Variants in DISP1 observed in about 807,000 individuals in gnomAD.
The protein encoded by DISP1 is protein dispatched homolog 1.
In DISP1, 30 loss-of-function variants were observed where a neutral mutation model predicts 37.3. The ratio of observed to expected loss-of-function variants is 0.80; its 90% CI spans 0.60 to 1.09. DISP1 has a LOEUF of 1.09. Among genes scored for constraint, DISP1 ranks in the 50% least tolerant of loss-of-function variants. The pLI, the probability that DISP1 is intolerant of heterozygous loss-of-function variation, is 0.00. For synonymous variants in DISP1, 634 were observed against 690.2 expected (o/e 0.92, Z 1.28); for missense variants, 1,598 against 1,879.5 (o/e 0.85, Z 2.77).
At chr1:222,862,531 T>G (rs1029035447) in intron 1 of DISP1, among the ~76,000 whole-genome samples, 1 of 151,720 alleles carries the variant, frequency 6.6e-6, no homozygotes, top group Non-Finnish European at 1.5e-5. Flanking sequence ...AATAGTTTTT[T>G]TTTTTTTTTT....
At chr1:222,879,431 GT>G (rs1670152765) in intron 1 of DISP1, among the ~76,000 whole-genome samples, 1 of 151,988 alleles carries the variant, frequency 6.6e-6, no homozygotes, top group African/African-American at 2.4e-5. Context: ...TGTCCTGTTT[GT>G]TTTTTTAGTA....
chr1:222,983,515 G>T (rs1240048719), intron 4 of DISP1, among the ~76,000 whole-genome samples: 2 of 152,118 alleles, frequency 1.3e-5, no homozygotes, highest in Admixed American at 1.3e-4. Flanking sequence ...TACTCGGGAG[G>T]CTGAGGCAGG....
At chr1:222,986,623 C>T (rs958401849) in intron 4 of DISP1, among the ~76,000 whole-genome samples, 3 of 152,200 alleles carry the variant, frequency 2.0e-5, no homozygotes, top group African/African-American at 4.8e-5. Context: ...GGTTCATCCA[C>T]GAACGCATTT....
At chr1:222,915,202 T>A (rs1672428504) in intron 1 of DISP1, among the ~76,000 whole-genome samples, 1 of 152,202 alleles carries the variant, frequency 6.6e-6, no homozygotes, top group South Asian at 2.1e-4. Flanking sequence ...TTGATCTAAA[T>A]AAATGGTACA....
At chr1:222,902,546 A>G (rs986789551) in intron 1 of DISP1, among the ~76,000 whole-genome samples, 108 of 152,266 alleles carry the variant, frequency 7.1e-4, no homozygotes, top group African/African-American at 2.3e-3. Context: ...AATTTTCGCA[A>G]CCTACTCATC....
chr1:222,844,813 C>T (rs1051274039), intron 1 of DISP1, among the ~76,000 whole-genome samples: 4 of 152,082 alleles, frequency 2.6e-5, no homozygotes, highest in African/African-American at 4.8e-5. Flanking sequence ...CTGTGTGAGT[C>T]GTTTAAGATA....
intron 1 of DISP1, among the ~76,000 whole-genome samples, chr1:222,888,760 G>A (rs908202427): frequency 6.6e-6 from 1 of 151,866 alleles, no homozygotes; most frequent in Non-Finnish European, 1.5e-5. Flanking sequence ...AAAATGCAAG[G>A]TTTCTTTTTG....
intron 1 of DISP1, among the ~76,000 whole-genome samples, chr1:222,834,441 C>A (rs892633740): frequency 4.6e-5 from 7 of 152,064 alleles, no homozygotes; most frequent in African/African-American, 7.2e-5. Context: ...CTTAGACAGG[C>A]AGGAATTTAG....
rs781780114 is a variant in DISP1, at chr1:222,942,802, C to T, written c.-17-5C>T. 2.5e-6 allele frequency: 4 copies of T among 1,613,924 alleles called. No individual in the cohort carries two copies. In the South Asian group the frequency reaches 3.3e-5, roughly 13 times the overall value. Reference sequence around the variant, plus strand: ...ACTGGGCGATTTTATGATTTTCTTACTTAGAGTCAAGAAATTGGAGCATGG... The same window carrying T: ...ACTGGGCGATTTTATGATTTTCTTATTTAGAGTCAAGAAATTGGAGCATGG... On this transcript the variant is annotated splice_polypyrimidine_tract_variant and splice_region_variant and intron_variant, in intron 2 of 8. Coordinates refer to ENST00000675850, the MANE Select transcript of DISP1 (RefSeq NM_001377229.1).
At position 223,004,299 on chromosome 1, in the gene DISP1, G is replaced by T. The variant is rs574387803; in HGVS notation, c.2902G>T (p.Val968Phe). 19 of 1,614,046 alleles carry T rather than the reference G, an allele frequency of 1.2e-5. No homozygotes were observed. Among genetic ancestry groups the T allele is most frequent in the Middle Eastern group, 1.6e-4 (1 of 6,084 alleles). ...APEGLSNGWF[V>F]SNLEFYDLQD... ...TGAAGGCCTCAGCAATGGTTGGTTTGTCAGCAATCTGGAGTTCTATGACCT... is the reference window on the plus strand; with the variant it reads ...TGAAGGCCTCAGCAATGGTTGGTTTTTCAGCAATCTGGAGTTCTATGACCT... The change falls in exon 9 of 9, where the codon GTC becomes TTC. Residue 968 changes from valine to phenylalanine, a missense_variant. Coordinates refer to ENST00000675850, the MANE Select transcript of DISP1 (RefSeq NM_001377229.1). The surrounding 1 kb of genome is among the most constrained non-coding windows in gnomAD (Gnocchi z 4.9).
At chr1:222,867,414 A>C (rs1166556462) in intron 1 of DISP1, among the ~76,000 whole-genome samples, 1 of 152,134 alleles carries the variant, frequency 6.6e-6, no homozygotes, top group East Asian at 1.9e-4. Context: ...TTGTGGAGGT[A>C]CTTAAGTGGC....
At chr1:222,979,705 A>G (rs1399438140) in intron 3 of DISP1, 1 of 470,006 alleles carries the variant, frequency 2.1e-6, no homozygotes, top group South Asian at 1.6e-5. Context: ...TAAAGCTGCT[A>G]AGCCCTCACC....
intron 1 of DISP1, among the ~76,000 whole-genome samples, chr1:222,915,281 G>A (rs549274767): frequency 1.3e-5 from 2 of 152,300 alleles, no homozygotes; most frequent in East Asian, 1.9e-4. Context: ...CCTATATAGG[G>A]GATCTGAGCT....
intron 1 of DISP1, among the ~76,000 whole-genome samples, chr1:222,840,703 C>T (rs1233442502): frequency 1.3e-5 from 2 of 151,170 alleles, no homozygotes; most frequent in African/African-American, 2.4e-5. Flanking sequence ...GCTGGGACTA[C>T]AGGTGCCCGC....
chr1:222,834,122 G>A (rs1247442963), intron 1 of DISP1, among the ~76,000 whole-genome samples: 1 of 152,052 alleles, frequency 6.6e-6, no homozygotes, highest in African/African-American at 2.4e-5. Context: ...TGTATCTGCA[G>A]CATCTTATAG....
intron 4 of DISP1, among the ~76,000 whole-genome samples, chr1:222,987,159 C>T (rs1176423044): frequency 6.6e-6 from 1 of 151,890 alleles, no homozygotes; most frequent in Non-Finnish European, 1.5e-5. Flanking sequence ...AGACTTTTAT[C>T]TTCATATTAC....
At chr1:222,845,038 T>C (rs933061020) in intron 1 of DISP1, among the ~76,000 whole-genome samples, 2 of 152,164 alleles carry the variant, frequency 1.3e-5, no homozygotes. Context: ...GGAAAATTGC[T>C]CATTGTAGTT....
At chr1:222,984,460 C>A (rs558593520) in intron 4 of DISP1, among the ~76,000 whole-genome samples, 99 of 97,526 alleles carry the variant, frequency 1.0e-3, no homozygotes, top group African/African-American at 2.2e-3. Context: ...AGAGAGAGAG[C>A]GTACTCATAT....
chr1:222,884,543 A>G (rs1670468590), intron 1 of DISP1, among the ~76,000 whole-genome samples: 1 of 152,140 alleles, frequency 6.6e-6, no homozygotes, highest in African/African-American at 2.4e-5. Flanking sequence ...CAATTTGGGT[A>G]TAGCTTATGT....
Sources: gnomAD v4.1 joint callset for allele counts (sites outside exome capture counted in the v4.1 genomes callset) on GRCh38, gnomAD v4.1.1 for gene constraint, Gnocchi (gnomAD v3.1) non-coding constraint, MANE v1.5 for transcripts, NCBI Gene and HGNC (gene_info 2026-07-23, HGNC 2026-07-21) for gene names.